CDK14: variants seen among roughly 807,000 people sequenced by gnomAD.
The protein encoded by CDK14 is cyclin-dependent kinase 14.
A neutral mutation model predicts 60.7 loss-of-function variants in CDK14; 34 were observed. That is an observed-to-expected ratio of 0.56 (90% CI 0.43 to 0.75). CDK14 has a LOEUF of 0.75. CDK14 is among the 30% of genes least tolerant of loss of function. CDK14 has a pLI of 0.00. For synonymous variants in CDK14, 197 were observed against 203.7 expected, an observed-to-expected ratio of 0.97 and a Z score of 0.28; for missense variants, 482 against 564.1, an observed-to-expected ratio of 0.85 and a Z score of 1.47.
intron 9 of CDK14, among the ~76,000 whole-genome samples, chr7:90,962,051 T>A (rs1451386519): frequency 6.6e-6 from 1 of 152,246 alleles, no homozygotes; most frequent in Non-Finnish European, 1.5e-5. Flanking sequence ...AACTTAATGT[T>A]ACATTGCCTA....
At chr7:90,868,259 A>G (rs919520907) in intron 6 of CDK14, among the ~76,000 whole-genome samples, 22 of 151,034 alleles carry the variant, frequency 1.5e-4, no homozygotes, top group South Asian at 4.2e-4. Context: ...TTTATTATAC[A>G]TATATATTAC....
chr7:90,741,767 G>A (rs1803356429), intron 3 of CDK14, among the ~76,000 whole-genome samples: 1 of 151,946 alleles, frequency 6.6e-6, no homozygotes, highest in Non-Finnish European at 1.5e-5. Flanking sequence ...TAAAAGTAAT[G>A]GATCAAATAT....
intron 2 of CDK14, among the ~76,000 whole-genome samples, chr7:90,706,540 A>G (rs917845270): frequency 6.6e-6 from 1 of 152,178 alleles, no homozygotes; most frequent in Admixed American, 6.5e-5. Flanking sequence ...AAGGAAGACA[A>G]ACAAAGTAAA....
At chr7:90,667,714 C>T (rs1232019589) in intron 2 of CDK14, among the ~76,000 whole-genome samples, 4 of 151,920 alleles carry the variant, frequency 2.6e-5, no homozygotes, top group African/African-American at 4.8e-5. Context: ...GGACTATAGG[C>T]GCCTGCCACC....
chr7:90,900,152 T>C (rs1011672045), intron 7 of CDK14, among the ~76,000 whole-genome samples: 2 of 152,186 alleles, frequency 1.3e-5, no homozygotes, highest in African/African-American at 4.8e-5. Flanking sequence ...CCTGGGAAAC[T>C]TTCTATGTAT....
chr7:90,940,175 T>C (rs1793874729), intron 8 of CDK14, among the ~76,000 whole-genome samples: 5 of 152,192 alleles, frequency 3.3e-5, no homozygotes, highest in Admixed American at 3.3e-4. Flanking sequence ...TCCTGTTTTC[T>C]TGTTCCTTTC....
intron 11 of CDK14, among the ~76,000 whole-genome samples, chr7:91,051,291 T>C (rs1255537166): frequency 6.6e-6 from 1 of 151,972 alleles, no homozygotes; most frequent in Non-Finnish European, 1.5e-5. Flanking sequence ...CATTTCAACA[T>C]GAGATTTGGA....
intron 13 of CDK14, among the ~76,000 whole-genome samples, chr7:91,114,707 A>T (rs1164029507): frequency 5.9e-5 from 9 of 152,174 alleles, no homozygotes; most frequent in Non-Finnish European, 1.5e-5. Flanking sequence ...CTCCGGTAAC[A>T]ATTTTGAGTT....
chr7:90,618,855 C>T (rs911774736), intron 2 of CDK14, among the ~76,000 whole-genome samples: 2 of 151,930 alleles, frequency 1.3e-5, no homozygotes, highest in African/African-American at 4.8e-5. Flanking sequence ...AGATTCTTTT[C>T]TGATACCATT....
chr7:90,613,430 C>T (rs973742405), intron 2 of CDK14, among the ~76,000 whole-genome samples: 2 of 151,718 alleles, frequency 1.3e-5, no homozygotes, highest in South Asian at 2.1e-4. Flanking sequence ...ACCTTTGGGC[C>T]GGGCCTGGTG....
At chr7:91,170,929 G>T (rs1343706632) in intron 14 of CDK14, among the ~76,000 whole-genome samples, 1 of 151,706 alleles carries the variant, frequency 6.6e-6, no homozygotes, top group Non-Finnish European at 1.5e-5. Context: ...ACCATACCCA[G>T]CTAATTTTTG....
chr7:90,847,872 A>G (rs1790516250), intron 5 of CDK14, among the ~76,000 whole-genome samples: 1 of 152,208 alleles, frequency 6.6e-6, no homozygotes, highest in Admixed American at 6.5e-5. Flanking sequence ...TTCAAGGGCT[A>G]CGAAAAATGT....
At position 90,698,777 on chromosome 7, in the gene CDK14, G is replaced by T. The variant is rs377617961; in HGVS notation, c.124-27790G>T. On this transcript the variant is annotated intron_variant, in intron 2 of 14. Coordinates refer to ENST00000380050, the MANE Select transcript of CDK14 (RefSeq NM_001287135.2). ...ATTTGCTACTCACTAAATTTTCCTC[G>T]TGTGTGCTGATGGTGGTAAAAACTC... 2.0e-5 allele frequency among the ~76,000 whole-genome samples: 3 copies of T among 152,204 alleles called. No homozygotes were observed. The East Asian group carries it at 5.8e-4, about 29-fold the overall frequency.
chr7:90,596,579 C>A lies in CDK14; in HGVS notation c.-49C>A. The A allele has an allele frequency of 6.6e-7, 1 of 1,515,472 alleles. No individual in the cohort carries two copies. The highest frequency in any genetic ancestry group is 9.1e-7 in the Non-Finnish European group (1 of 1,094,242). 93.9% of individuals were successfully genotyped at this position (1,515,472 alleles called of 1,614,324 possible). ...GCGCGCGCCCTCGCCGTTGTCTGAGCTGTGCCTGGACCAGTTTGGGGAAGT... is the reference window on the plus strand; with the variant it reads ...GCGCGCGCCCTCGCCGTTGTCTGAGATGTGCCTGGACCAGTTTGGGGAAGT... On this transcript the variant is annotated 5_prime_UTR_variant, in exon 1 of 15. The change creates a new upstream start codon in the 5' untranslated region. Coordinates refer to ENST00000380050, the MANE Select transcript of CDK14 (RefSeq NM_001287135.2).
intron 10 of CDK14, among the ~76,000 whole-genome samples, chr7:90,987,017 A>G (rs1795389594): frequency 4.3e-5 from 3 of 69,306 alleles, no homozygotes; most frequent in Non-Finnish European, 9.8e-5. Context: ...ATTGTTATAT[A>G]ACTGAGATAT....
chr7:91,057,365 C>T (rs1797609665), intron 11 of CDK14, among the ~76,000 whole-genome samples: 1 of 152,102 alleles, frequency 6.6e-6, no homozygotes, highest in Admixed American at 6.5e-5. Flanking sequence ...TGCCTGTTCA[C>T]TCTGATGGGA....
At chr7:90,978,633 T>C (rs1442390103) in intron 9 of CDK14, among the ~76,000 whole-genome samples, 1 of 152,126 alleles carries the variant, frequency 6.6e-6, no homozygotes, top group African/African-American at 2.4e-5. Context: ...GCATATCAGC[T>C]CACAAAATTA....
chr7:90,964,824 T>G (rs1794706496), intron 9 of CDK14, among the ~76,000 whole-genome samples: 1 of 152,216 alleles, frequency 6.6e-6, no homozygotes. Context: ...AACATTAATA[T>G]ATAAATATTA....
At position 91,059,419 on chromosome 7, in the gene CDK14, A is replaced by C. The variant is rs529252102; in HGVS notation, c.1105+13459A>C. ...CTCTATTTCCTTCAGTTCTGCTCTG[A>C]TCTTAGTTATTTCTTGCCTTCTGCT... On this transcript the variant is annotated intron_variant, in intron 11 of 14. Transcript: ENST00000380050. Among the ~76,000 whole-genome samples, 4 of 151,794 alleles carry C rather than the reference A, an allele frequency of 2.6e-5. No individual in the cohort carries two copies. The East Asian group carries it at 7.7e-4, about 29-fold the overall frequency.
Sources: gnomAD v4.1 joint callset for allele counts (sites outside exome capture counted in the v4.1 genomes callset) on GRCh38, gnomAD v4.1.1 for gene constraint, MANE v1.5 for transcripts, NCBI Gene and HGNC (gene_info 2026-07-23, HGNC 2026-07-21) for gene names.